The following SHISA9 variants were observed in gnomAD, a reference collection of about 807,000 sequenced individuals.
The protein encoded by SHISA9 is shisa family member 9, also known as protein shisa-9.
SHISA9 carries 13 observed loss-of-function variants against 38.0 expected under a neutral mutation model. The observed-to-expected ratio is 0.34, with a 90% CI of 0.22 to 0.54. The LOEUF (loss-of-function observed/expected upper bound fraction) is 0.54. Among genes scored for constraint, SHISA9 ranks in the 20% least tolerant of loss-of-function variants. The pLI is 0.91. For missense variants in SHISA9, 538 were observed against 575.8 expected, an observed-to-expected ratio of 0.93 and a Z score of 0.67; for synonymous variants, 275 against 242.0, an observed-to-expected ratio of 1.14 and a Z score of -1.27.
chr16:13,174,891 A>G (rs2142024724), intron 2 of SHISA9, among the ~76,000 whole-genome samples: 1 of 152,320 alleles, frequency 6.6e-6, no homozygotes, highest in African/African-American at 2.4e-5. Flanking sequence ...CTTATATTCC[A>G]GGTACTTCCT....
At chr16:13,208,108 G>T (rs1383008034) in intron 3 of SHISA9, among the ~76,000 whole-genome samples, 1 of 152,152 alleles carries the variant, frequency 6.6e-6, no homozygotes, top group Non-Finnish European at 1.5e-5. Context: ...CTTTGAGCAG[G>T]TCAATGAAGC....
At chr16:13,534,656 AC>A in the SHISA9 span, among the ~76,000 whole-genome samples, 1 of 152,166 alleles carries the variant, frequency 6.6e-6, no homozygotes, top group Non-Finnish European at 1.5e-5. Context: ...CTGTGTGAAA[AC>A]ACTGTGTCCC....
Position 13,235,715 on chromosome 16 carries a change from TG to T in SHISA9, c.*307del. 2.9e-6 allele frequency: 1 copy of T among 339,466 alleles called. No homozygotes were observed. The allele number at this position is 339,466 out of a possible 1,614,324, so 21.0% of individuals were successfully genotyped here. On this transcript the variant is annotated 3_prime_UTR_variant, in exon 5 of 5. Transcript: ENST00000558583. ...AACTCACATGCCCAAACCGTGGGGCTGAGTTTTCTTTTCCTCCTAACTTGAA... is the reference window on the plus strand; with the variant it reads ...AACTCACATGCCCAAACCGTGGGGCTAGTTTTCTTTTCCTCCTAACTTGAA...
intron 2 of SHISA9, among the ~76,000 whole-genome samples, chr16:12,974,937 T>G (rs889388211): frequency 4.6e-5 from 7 of 152,150 alleles, no homozygotes; most frequent in African/African-American, 1.7e-4. Context: ...TCTCTATATT[T>G]ATATAAACTT....
At chr16:12,998,693 A>C (rs1275252402) in intron 2 of SHISA9, among the ~76,000 whole-genome samples, 1 of 152,054 alleles carries the variant, frequency 6.6e-6, no homozygotes, top group African/African-American at 2.4e-5. Context: ...CCCATGCTTG[A>C]CTAATTTTAA....
At chr16:13,453,615 G>A in the SHISA9 span, among the ~76,000 whole-genome samples, 8 of 152,210 alleles carry the variant, frequency 5.3e-5, no homozygotes, top group Non-Finnish European at 1.2e-4. Context: ...CCCTCCAGCT[G>A]CCTGAAGATG....
At chr16:13,317,077 G>A in the SHISA9 span, among the ~76,000 whole-genome samples, 1 of 152,310 alleles carries the variant, frequency 6.6e-6, no homozygotes, top group South Asian at 2.1e-4. Flanking sequence ...GAGGCCAGTA[G>A]AGCCCCAGAG....
At chr16:13,440,138 C>T in the SHISA9 span, among the ~76,000 whole-genome samples, 1 of 152,216 alleles carries the variant, frequency 6.6e-6, no homozygotes, top group Non-Finnish European at 1.5e-5. Context: ...AATGCCCCCA[C>T]AGAATCCATG....
intron 3 of SHISA9, among the ~76,000 whole-genome samples, chr16:13,211,073 G>T (rs1159645133): frequency 6.6e-6 from 1 of 152,182 alleles, no homozygotes; most frequent in African/African-American, 2.4e-5. Context: ...AAAGCAGACA[G>T]ATCACTTGAG....
At chr16:12,947,673 A>G (rs1215158970) in intron 2 of SHISA9, among the ~76,000 whole-genome samples, 1 of 152,202 alleles carries the variant, frequency 6.6e-6, no homozygotes. Flanking sequence ...AGTTTTAAAT[A>G]TTCGATGCTT....
the SHISA9 span, among the ~76,000 whole-genome samples, chr16:13,437,165 G>A: frequency 3.3e-5 from 5 of 152,060 alleles, no homozygotes; most frequent in Admixed American, 6.5e-5. Context: ...AGAAAAATTA[G>A]GGATCTTTGG....
intron 2 of SHISA9, among the ~76,000 whole-genome samples, chr16:13,187,631 A>T (rs1246850976): frequency 6.6e-6 from 1 of 152,052 alleles, no homozygotes; most frequent in African/African-American, 2.4e-5. Flanking sequence ...CATTGCGCCC[A>T]GCCCATCTGG....
chr16:13,190,840 T>C (rs2050877993), intron 2 of SHISA9, among the ~76,000 whole-genome samples: 1 of 152,220 alleles, frequency 6.6e-6, no homozygotes, highest in Admixed American at 6.5e-5. Flanking sequence ...TAAGTTTTCA[T>C]GCTCAAACAT....
intron 2 of SHISA9, among the ~76,000 whole-genome samples, chr16:13,138,347 T>C (rs886175195): frequency 3.3e-5 from 5 of 152,196 alleles, no homozygotes; most frequent in Non-Finnish European, 7.4e-5. Flanking sequence ...TTTCCTAGAA[T>C]AGGTGCTTAC....
the SHISA9 span, among the ~76,000 whole-genome samples, chr16:13,478,337 A>C: frequency 3.3e-5 from 5 of 152,286 alleles, no homozygotes; most frequent in South Asian, 4.1e-4. Context: ...GAATCTTAAG[A>C]AAAAAATATA....
intron 2 of SHISA9, among the ~76,000 whole-genome samples, chr16:13,096,292 T>C (rs973773537): frequency 6.6e-6 from 1 of 152,238 alleles, no homozygotes; most frequent in Non-Finnish European, 1.5e-5. Flanking sequence ...AAGGCCCTCA[T>C]CTACCCTTAG....
intron 2 of SHISA9, among the ~76,000 whole-genome samples, chr16:13,137,198 A>G (rs534671767): frequency 6.6e-6 from 1 of 152,192 alleles, no homozygotes; most frequent in Non-Finnish European, 1.5e-5. Flanking sequence ...GATGAAATAT[A>G]TTTGTTGGCT....
chr16:13,185,375 A>C (rs917833384), intron 2 of SHISA9, among the ~76,000 whole-genome samples: 2 of 151,842 alleles, frequency 1.3e-5, no homozygotes, highest in African/African-American at 4.8e-5. Flanking sequence ...CTACTTAAAA[A>C]TTTTTTTGGT....
the SHISA9 span, among the ~76,000 whole-genome samples, chr16:13,387,488 A>AC: frequency 3.3e-4 from 47 of 143,490 alleles, 1 homozygote; most frequent in African/African-American, 1.2e-3. Context: ...CCCCTAGAGG[A>AC]TTTTTTTTTT....
Sources: allele counts gnomAD v4.1 joint callset (sites outside exome capture counted in the v4.1 genomes callset), GRCh38; gene constraint gnomAD v4.1.1; transcripts MANE v1.5; gene names NCBI Gene and HGNC (gene_info 2026-07-23, HGNC 2026-07-21).